LRMDA: variants seen among roughly 807,000 people sequenced by gnomAD.
LRMDA encodes leucine rich melanocyte differentiation associated.
In LRMDA, 18 loss-of-function variants were observed where a neutral mutation model predicts 29.8. The ratio of observed to expected loss-of-function variants is 0.60; its 90% confidence interval spans 0.42 to 0.90. The LOEUF (loss-of-function observed/expected upper bound fraction) is 0.90, where lower values mean the gene tolerates loss of function less well. Ranked by LOEUF, LRMDA falls within the 40% of genes least tolerant of loss-of-function variation. LRMDA has a pLI of 0.00. For missense variants in LRMDA, 273 were observed against 273.9 expected (o/e 1.00, Z 0.02); for synonymous variants, 125 against 109.4 (o/e 1.14, Z -0.89).
At chr10:76,524,919 A>G (rs373323718) in intron 6 of LRMDA, among the ~76,000 whole-genome samples, 1 of 152,316 alleles carries the variant, frequency 6.6e-6, no homozygotes, top group African/African-American at 2.4e-5. Flanking sequence ...TCAGTGGAGC[A>G]TGGGGTCTTA....
chr10:76,392,479 G>A (rs1841734366), intron 6 of LRMDA, among the ~76,000 whole-genome samples: 1 of 151,794 alleles, frequency 6.6e-6, no homozygotes, highest in South Asian at 2.1e-4. Context: ...CACATTTTTT[G>A]GGATTTTAGA....
intron 2 of LRMDA, among the ~76,000 whole-genome samples, chr10:75,648,165 C>G (rs1292008008): frequency 2.6e-5 from 4 of 152,116 alleles, no homozygotes; most frequent in Non-Finnish European, 4.4e-5. Flanking sequence ...TCACAACCAC[C>G]CTGTTAGGCA....
At chr10:75,746,814 G>T (rs1842896992) in intron 2 of LRMDA, among the ~76,000 whole-genome samples, 1 of 152,046 alleles carries the variant, frequency 6.6e-6, no homozygotes, top group African/African-American at 2.4e-5. Context: ...GAAGAAAAAA[G>T]AATTTTTATT....
At chr10:76,391,523 A>C (rs1358681973) in intron 6 of LRMDA, among the ~76,000 whole-genome samples, 1 of 152,130 alleles carries the variant, frequency 6.6e-6, no homozygotes, top group Non-Finnish European at 1.5e-5. Context: ...CAATTTTCTG[A>C]CCTGCCAAGA....
At chr10:75,671,109 C>T (rs1415527436) in intron 2 of LRMDA, among the ~76,000 whole-genome samples, 1 of 152,154 alleles carries the variant, frequency 6.6e-6, no homozygotes, top group African/African-American at 2.4e-5. Flanking sequence ...TCAGAGGATG[C>T]TGGGAATGCA....
chr10:76,046,618 G>T (rs1848443189), intron 3 of LRMDA, among the ~76,000 whole-genome samples: 1 of 152,080 alleles, frequency 6.6e-6, no homozygotes, highest in Non-Finnish European at 1.5e-5. Flanking sequence ...CCAAGTAGCT[G>T]GGATTACAGG....
intron 5 of LRMDA, among the ~76,000 whole-genome samples, chr10:76,297,598 C>T (rs547779638): frequency 1.2e-4 from 19 of 152,272 alleles, no homozygotes; most frequent in African/African-American, 4.6e-4. Flanking sequence ...TTCTGTTCGA[C>T]TCTGGTTGGA....
chr10:76,506,021 G>T (rs547528388), intron 6 of LRMDA, among the ~76,000 whole-genome samples: 1 of 152,200 alleles, frequency 6.6e-6, no homozygotes, highest in Non-Finnish European at 1.5e-5. Context: ...GGAGCTATTT[G>T]GGGCCAGGAA....
intron 2 of LRMDA, among the ~76,000 whole-genome samples, chr10:75,900,835 G>A (rs1206181259): frequency 6.6e-6 from 1 of 151,838 alleles, no homozygotes; most frequent in African/African-American, 2.4e-5. Context: ...GCCATCTTAT[G>A]CCCTTATGGA....
At chr10:76,305,646 G>A (rs1027106607) in intron 5 of LRMDA, among the ~76,000 whole-genome samples, 4 of 152,162 alleles carry the variant, frequency 2.6e-5, no homozygotes, top group Non-Finnish European at 4.4e-5. Context: ...GAATAAGGCT[G>A]CTAGAATGGT....
intron 2 of LRMDA, among the ~76,000 whole-genome samples, chr10:75,933,357 G>T (rs1292926597): frequency 1.3e-5 from 2 of 152,170 alleles, no homozygotes; most frequent in Non-Finnish European, 2.9e-5. Context: ...AATAGTTCAA[G>T]ACTTGCTTTG....
intron 2 of LRMDA, among the ~76,000 whole-genome samples, chr10:75,880,012 T>A (rs1845267492): frequency 6.6e-6 from 1 of 152,230 alleles, no homozygotes; most frequent in African/African-American, 2.4e-5. Flanking sequence ...AGCAATATTC[T>A]CGTAGATTTA....
intron 2 of LRMDA, among the ~76,000 whole-genome samples, chr10:75,669,368 T>C (rs1841864053): frequency 6.6e-6 from 1 of 152,212 alleles, no homozygotes; most frequent in Non-Finnish European, 1.5e-5. Flanking sequence ...TGATGAAGCC[T>C]GTTTTAATCC....
chr10:76,168,612 C>CA (rs1336363431), intron 5 of LRMDA, among the ~76,000 whole-genome samples: 1 of 148,936 alleles, frequency 6.7e-6, no homozygotes, highest in Non-Finnish European at 1.5e-5. Flanking sequence ...GTAAAGATAG[C>CA]AAAAAAAGGA....
At chr10:76,437,190 C>T (rs1321375428) in intron 6 of LRMDA, among the ~76,000 whole-genome samples, 2 of 152,284 alleles carry the variant, frequency 1.3e-5, no homozygotes, top group African/African-American at 2.4e-5. Context: ...TTGGACACAG[C>T]GATGGATCCA....
At chr10:75,478,592 T>A (rs1273391596) in intron 2 of LRMDA, among the ~76,000 whole-genome samples, 1 of 152,220 alleles carries the variant, frequency 6.6e-6, no homozygotes, top group Non-Finnish European at 1.5e-5. Flanking sequence ...TGACTGATTT[T>A]AATGAAATTC....
intron 2 of LRMDA, among the ~76,000 whole-genome samples, chr10:75,581,145 G>A (rs1840585680): frequency 6.6e-6 from 1 of 152,056 alleles, no homozygotes; most frequent in African/African-American, 2.4e-5. Context: ...CTACAGAATG[G>A]GAGAAAATTT....
intron 6 of LRMDA, among the ~76,000 whole-genome samples, chr10:76,418,640 C>A (rs764444031): frequency 2.0e-5 from 3 of 151,826 alleles, no homozygotes; most frequent in Non-Finnish European, 2.9e-5. Flanking sequence ...TTGGCCATGA[C>A]CTCTAGTACA....
chr10:76,411,843 C>T (rs112465134), intron 6 of LRMDA, among the ~76,000 whole-genome samples: 1 of 149,800 alleles, frequency 6.7e-6, no homozygotes, highest in Admixed American at 6.6e-5. Flanking sequence ...GGAGACATAA[C>T]AAATATAACC....
Sources: allele counts gnomAD v4.1 joint callset (sites outside exome capture counted in the v4.1 genomes callset), GRCh38; gene constraint gnomAD v4.1.1; transcripts MANE v1.5; gene names NCBI Gene and HGNC (gene_info 2026-07-23, HGNC 2026-07-21).